The following SLC2A5 variants were observed in gnomAD, a reference collection of about 807,000 sequenced individuals.
SLC2A5 encodes solute carrier family 2, facilitated glucose transporter member 5.
Under a neutral mutation model 50.3 loss-of-function variants are expected in SLC2A5, and 56 were observed. That is an observed-to-expected ratio of 1.11 (90% CI 0.90 to 1.39). The LOEUF (loss-of-function observed/expected upper bound fraction) is 1.39, where lower values mean the gene tolerates loss of function less well. Among genes scored for constraint, SLC2A5 ranks in the 40% most tolerant of loss-of-function variants. The pLI is 0.00. For missense variants in SLC2A5, 566 were observed against 650.1 expected, an observed-to-expected ratio of 0.87 and a Z score of 1.41; for synonymous variants, 269 against 281.9, an observed-to-expected ratio of 0.95 and a Z score of 0.46.
At chr1:9,051,208 A>T (rs1641564766) in intron 3 of SLC2A5, among the ~76,000 whole-genome samples, 2 of 151,868 alleles carry the variant, frequency 1.3e-5, no homozygotes, top group Non-Finnish European at 2.9e-5. Context: ...AGAAGAAGGA[A>T]GGAGGGAAAA....
rs1641158140 is a variant in SLC2A5 at position 9,037,344 on chromosome 1, A to G, written c.*242T>C. 4.1e-6 allele frequency: 2 copies of G among 493,134 alleles called. No individual in the cohort carries two copies. The highest frequency in any genetic ancestry group is 7.4e-6 in the Non-Finnish European group (2 of 271,380). 30.5% of individuals were successfully genotyped at this position (493,134 alleles called of 1,614,324 possible). On this transcript the variant is annotated 3_prime_UTR_variant, in exon 12 of 12. Coordinates refer to ENST00000377424, the MANE Select transcript of SLC2A5 (RefSeq NM_003039.3). ...GAAGGCTGAACCAGCAAAGTGGAGGACCAGCTGTTTAATTGACTCGGGTCT... is the reference window on the plus strand; with the variant it reads ...GAAGGCTGAACCAGCAAAGTGGAGGGCCAGCTGTTTAATTGACTCGGGTCT...
At chr1:9,076,851 G>A (rs781779546) in intron 2 of SLC2A5, among the ~76,000 whole-genome samples, 3 of 151,550 alleles carry the variant, frequency 2.0e-5, no homozygotes, top group Non-Finnish European at 2.9e-5. Context: ...ATGCAGTGGC[G>A]TGATCTCGGC....
chr1:9,037,846 C>T, intron 11 of SLC2A5, 51 bp downstream of exon 11: 1 of 1,613,854 alleles, frequency 6.2e-7, no homozygotes, highest in Middle Eastern at 1.7e-4. Context: ...GGGGCTCGCA[C>T]TGTACTGCAT....
intron 3 of SLC2A5, chr1:9,049,284 A>G: frequency 2.3e-6 from 1 of 438,130 alleles, no homozygotes; most frequent in South Asian, 1.6e-5. Context: ...CAGACAACAG[A>G]ATCAGACTGG....
At chr1:9,048,159 G>T (rs748190391) in intron 3 of SLC2A5, among the ~76,000 whole-genome samples, 36 of 152,136 alleles carry the variant, frequency 2.4e-4, no homozygotes, top group Non-Finnish European at 4.4e-4. Flanking sequence ...TGAAATCTTA[G>T]TAGATTAAAT....
intron 1 of SLC2A5, among the ~76,000 whole-genome samples, chr1:9,058,538 T>C (rs1300290195): frequency 6.6e-6 from 1 of 152,204 alleles, no homozygotes; most frequent in Non-Finnish European, 1.5e-5. Flanking sequence ...TCTCCCCAGC[T>C]GCGACAACCC....
At position 9,037,393 on chromosome 1, in the gene SLC2A5, G is replaced by A. The variant is rs1005877511; in HGVS notation, c.*193C>T. 16 of 577,516 alleles carry A rather than the reference G, an allele frequency of 2.8e-5. No homozygotes were observed. The highest frequency in any genetic ancestry group is 4.6e-5 in the Non-Finnish European group (15 of 324,660). 35.8% of individuals were successfully genotyped at this position (577,516 alleles called of 1,614,324 possible). A position where few individuals can be genotyped will look rare whatever the true frequency, so the allele number is the denominator to read the frequency against. ...CTGGTGACAGGCCAACATGGAGAGAGACAGCCCAGCTTCAAGAACAGCAAG... is the reference window on the plus strand; with the variant it reads ...CTGGTGACAGGCCAACATGGAGAGAAACAGCCCAGCTTCAAGAACAGCAAG... On this transcript the variant is annotated 3_prime_UTR_variant, in exon 12 of 12. Transcript: ENST00000377424.
At chr1:9,042,704 T>C (rs1641337892) in intron 4 of SLC2A5, among the ~76,000 whole-genome samples, 2 of 151,500 alleles carry the variant, frequency 1.3e-5, no homozygotes, top group Non-Finnish European at 2.9e-5. Flanking sequence ...TGTATATATA[T>C]GGCATGTGTG....
At chr1:9,061,947 A>G (rs1641955675) in intron 1 of SLC2A5, among the ~76,000 whole-genome samples, 1 of 152,230 alleles carries the variant, frequency 6.6e-6, no homozygotes, top group Admixed American at 6.5e-5. Context: ...TGATCAGGCT[A>G]TAGAGTCTCT....
chr1:9,085,783 T>A (rs1166489911), intron 1 of SLC2A5, among the ~76,000 whole-genome samples: 1 of 152,174 alleles, frequency 6.6e-6, no homozygotes, highest in Non-Finnish European at 1.5e-5. Flanking sequence ...TTTGCTCCCC[T>A]CCAGGCCAAG....
At chr1:9,042,253 TC>T (rs1267383602) in intron 4 of SLC2A5, among the ~76,000 whole-genome samples, 1 of 151,938 alleles carries the variant, frequency 6.6e-6, no homozygotes, top group East Asian at 1.9e-4. Flanking sequence ...TTGAGGAGGG[TC>T]TGTTTCATAA....
Position 9,035,970 on chromosome 1 carries a change from T to C in SLC2A5, c.*1616A>G, listed in dbSNP as rs1423263667. On this transcript the variant is annotated 3_prime_UTR_variant, in exon 12 of 12. Coordinates refer to ENST00000377424, the MANE Select transcript of SLC2A5 (RefSeq NM_003039.3). ...AGTATGGGGGAAATTGCCCCCATGATTCAATTATCTCCCACAGGGTCCCTC... is the reference window on the plus strand; with the variant it reads ...AGTATGGGGGAAATTGCCCCCATGACTCAATTATCTCCCACAGGGTCCCTC... 6.6e-6 allele frequency: 1 copy of C among 152,170 alleles called. No individual in the cohort carries two copies. The highest frequency in any genetic ancestry group is 1.9e-4 in the East Asian group (1 of 5,184). 9.4% of individuals were successfully genotyped at this position (152,170 alleles called of 1,614,324 possible).
intron 5 of SLC2A5, chr1:9,041,162 A>C: frequency 5.3e-6 from 2 of 376,918 alleles, no homozygotes; most frequent in Non-Finnish European, 9.4e-6. Context: ...CCTGGCGGGA[A>C]CTGGCTTATG....
chr1:9,057,445 T>C lies in SLC2A5; in HGVS notation c.293+3A>G. 2.5e-6 allele frequency: 4 copies of C among 1,608,216 alleles called. No individual in the cohort carries two copies. The highest frequency in any genetic ancestry group is 3.4e-6 in the Non-Finnish European group (4 of 1,177,346). On this transcript the variant is annotated splice_donor_region_variant and intron_variant, in intron 3 of 11. Transcript: ENST00000377424. ...AGGGAATTAAAAATTCACCTTCCCT[T>C]ACCTGCCAAATTTATTCACCAAGGG...
At chr1:9,062,423 TG>T (rs1298926698) in intron 1 of SLC2A5, among the ~76,000 whole-genome samples, 2 of 152,166 alleles carry the variant, frequency 1.3e-5, no homozygotes, top group African/African-American at 2.4e-5. Flanking sequence ...TTTGAGCATC[TG>T]GAATTTGGCC....
In SLC2A5 at chr1:9,039,877, G is replaced by C; in HGVS notation, c.808C>G (p.Arg270Gly). ...AGCTGCCAGCGCAGCGAGCGCATCC[G>C]GAACAGCTTCAGCACGGAGATGAAG... is the stretch of plus-strand genomic sequence containing the variant. Reference protein sequence around the residue: ...AGFISVLKLFRMRSLRWQLLS... With the variant: ...AGFISVLKLFGMRSLRWQLLS... Residue 270 changes from arginine to glycine, a missense_variant, in exon 7 of 12, where the codon CGG (arginine) becomes GGG (glycine). Physicochemically the swap from Arg to Gly is moderately radical, Grantham distance 125 (BLOSUM62 -2). Coordinates refer to ENST00000377424, the MANE Select transcript of SLC2A5 (RefSeq NM_003039.3). The C allele has an allele frequency of 6.8e-6, 11 of 1,612,476 alleles. No individual in the cohort carries two copies. The highest frequency in any genetic ancestry group is 9.3e-6 in the Non-Finnish European group (11 of 1,179,750).
At chr1:9,041,587 G>A (rs1376650128) in intron 5 of SLC2A5, 198 bp downstream of exon 5, 8 of 1,439,342 alleles carry the variant, frequency 5.6e-6, no homozygotes, top group Non-Finnish European at 7.3e-6. Context: ...GTAAACGCTG[G>A]CCAGTCCCTT....
intron 1 of SLC2A5, among the ~76,000 whole-genome samples, chr1:9,065,259 T>G (rs561499062): frequency 6.6e-6 from 1 of 152,092 alleles, no homozygotes; most frequent in African/African-American, 2.4e-5. Flanking sequence ...CCCAGTACAC[T>G]CTCTACATTC....
intron 2 of SLC2A5, 134 bp from the exon 3 acceptor site, chr1:9,057,742 G>A: frequency 1.3e-6 from 1 of 747,142 alleles, no homozygotes; most frequent in Non-Finnish European, 2.2e-6. Flanking sequence ...GGTGATGGGA[G>A]GCAGGACAGA....
Sources: gnomAD v4.1 joint callset for allele counts (sites outside exome capture counted in the v4.1 genomes callset) on GRCh38, gnomAD v4.1.1 for gene constraint, MANE v1.5 for transcripts, NCBI Gene and HGNC (gene_info 2026-07-23, HGNC 2026-07-21) for gene names.